FHIT: variants seen among roughly 807,000 people sequenced by gnomAD.
FHIT encodes bis(5'-adenosyl)-triphosphatase.
FHIT carries 19 observed loss-of-function variants against 17.9 expected under a neutral mutation model. The ratio of observed to expected loss-of-function variants is 1.06; its 90% CI spans 0.74 to 1.56. The LOEUF (loss-of-function observed/expected upper bound fraction) is 1.56. FHIT is among the 40% of genes most tolerant of loss of function. The pLI is 0.00. For synonymous variants in FHIT, 81 were observed against 69.7 expected (o/e 1.16, Z -0.81); for missense variants, 248 against 189.2 (o/e 1.31, Z -1.82).
At chr3:60,280,002 A>C (rs1315475323) in intron 5 of FHIT, among the ~76,000 whole-genome samples, 1 of 149,202 alleles carries the variant, frequency 6.7e-6, no homozygotes, top group African/African-American at 2.5e-5. Flanking sequence ...ACCGCACTCC[A>C]GCGTGGGTGA....
intron 7 of FHIT, among the ~76,000 whole-genome samples, chr3:59,962,043 C>T (rs1214047365): frequency 6.6e-6 from 1 of 152,164 alleles, no homozygotes; most frequent in East Asian, 1.9e-4. Flanking sequence ...CAGAATCATT[C>T]TAGAAAACAA....
intron 7 of FHIT, among the ~76,000 whole-genome samples, chr3:59,972,023 G>T (rs973082453): frequency 6.6e-6 from 1 of 152,088 alleles, no homozygotes; most frequent in Non-Finnish European, 1.5e-5. Flanking sequence ...CACATGTTCA[G>T]CCTTGAATGG....
intron 5 of FHIT, among the ~76,000 whole-genome samples, chr3:60,464,569 G>T (rs560142027): frequency 6.6e-6 from 1 of 152,082 alleles, no homozygotes; most frequent in East Asian, 1.9e-4. Context: ...GAGCTCAGTT[G>T]TTTTAAATTT....
chr3:60,215,579 T>C (rs2107524877), intron 5 of FHIT, among the ~76,000 whole-genome samples: 1 of 152,004 alleles, frequency 6.6e-6, no homozygotes, highest in African/African-American at 2.4e-5. Flanking sequence ...TAAAATAAAA[T>C]AAAATAAAAT....
intron 5 of FHIT, among the ~76,000 whole-genome samples, chr3:60,312,937 A>C (rs1198766108): frequency 6.6e-6 from 1 of 152,222 alleles, no homozygotes; most frequent in South Asian, 2.1e-4. Context: ...GCTGGTATTT[A>C]CTGGTGTTCA....
intron 5 of FHIT, among the ~76,000 whole-genome samples, chr3:60,051,141 T>G (rs1049085358): frequency 2.0e-5 from 3 of 152,010 alleles, no homozygotes; most frequent in Non-Finnish European, 4.4e-5. Context: ...AATGGGGCCT[T>G]TGAGGTAGGG....
chr3:61,041,471 G>T (rs977967885), intron 3 of FHIT, among the ~76,000 whole-genome samples: 1 of 151,624 alleles, frequency 6.6e-6, no homozygotes, highest in African/African-American at 2.4e-5. Flanking sequence ...TGGGTCTCTT[G>T]ATTTATCTAT....
chr3:60,952,075 A>C (rs1405758894), intron 3 of FHIT, among the ~76,000 whole-genome samples: 1 of 151,864 alleles, frequency 6.6e-6, no homozygotes, highest in African/African-American at 2.4e-5. Context: ...CTGAGGCAGG[A>C]GAATTGCTTA....
intron 3 of FHIT, among the ~76,000 whole-genome samples, chr3:60,904,898 C>A (rs1706319754): frequency 6.8e-6 from 1 of 147,822 alleles, no homozygotes; most frequent in African/African-American, 2.5e-5. Flanking sequence ...GAGATCACAC[C>A]ACTGCACTCC....
chr3:59,796,326 T>G (rs1455105715), intron 8 of FHIT, among the ~76,000 whole-genome samples: 1 of 152,104 alleles, frequency 6.6e-6, no homozygotes, highest in African/African-American at 2.4e-5. Flanking sequence ...CCCCAGACCC[T>G]CTATCTCTCC....
chr3:60,720,719 T>C (rs562284416), intron 4 of FHIT, among the ~76,000 whole-genome samples: 1 of 152,300 alleles, frequency 6.6e-6, no homozygotes, highest in Non-Finnish European at 1.5e-5. Flanking sequence ...AAAGTGTGAC[T>C]GCTTTACTCG....
At chr3:60,325,866 A>C (rs1468495701) in intron 5 of FHIT, among the ~76,000 whole-genome samples, 2 of 152,216 alleles carry the variant, frequency 1.3e-5, no homozygotes, top group East Asian at 1.9e-4. Context: ...GAATGCACTT[A>C]CATTTTGGAC....
chr3:60,539,473 G>A (rs1277782965), intron 4 of FHIT, among the ~76,000 whole-genome samples: 1 of 152,154 alleles, frequency 6.6e-6, no homozygotes, highest in Admixed American at 6.5e-5. Flanking sequence ...AAATCATGCT[G>A]CTATAAAGAC....
chr3:60,445,370 T>C (rs2031252991), intron 5 of FHIT, among the ~76,000 whole-genome samples: 1 of 152,004 alleles, frequency 6.6e-6, no homozygotes, highest in Non-Finnish European at 1.5e-5. Flanking sequence ...TGGATTACAG[T>C]GGTCTGTAGC....
chr3:60,046,301 C>G (rs1311109107), intron 5 of FHIT, among the ~76,000 whole-genome samples: 5 of 152,160 alleles, frequency 3.3e-5, no homozygotes, highest in Non-Finnish European at 5.9e-5. Flanking sequence ...ATAGGGTGTT[C>G]AATAAACAGG....
At chr3:60,354,734 T>A (rs1025610045) in intron 5 of FHIT, among the ~76,000 whole-genome samples, 6 of 152,174 alleles carry the variant, frequency 3.9e-5, no homozygotes, top group African/African-American at 1.4e-4. Flanking sequence ...GCCGGTCCAA[T>A]TGGTAATATC....
chr3:60,506,307 C>T (rs894564879), intron 5 of FHIT, among the ~76,000 whole-genome samples: 1 of 152,138 alleles, frequency 6.6e-6, no homozygotes, highest in South Asian at 2.1e-4. Flanking sequence ...GGATCTGTAG[C>T]AACAAGTATA....
At chr3:60,363,342 T>C (rs143156771) in intron 5 of FHIT, among the ~76,000 whole-genome samples, 137 of 152,282 alleles carry the variant, frequency 9.0e-4, no homozygotes, top group African/African-American at 3.2e-3. Flanking sequence ...TGAATCTCTG[T>C]AGCAACACGG....
chr3:59,905,019 A>T (rs1473582230), intron 8 of FHIT, among the ~76,000 whole-genome samples: 1 of 152,232 alleles, frequency 6.6e-6, no homozygotes, highest in Non-Finnish European at 1.5e-5. Flanking sequence ...ACAGAAAGGG[A>T]AATTCTCAAT....
Sources: allele counts gnomAD v4.1 joint callset (sites outside exome capture counted in the v4.1 genomes callset), GRCh38; gene constraint gnomAD v4.1.1; transcripts MANE v1.5; gene names NCBI Gene and HGNC (gene_info 2026-07-23, HGNC 2026-07-21).